ANKRD36: variants seen among roughly 807,000 people sequenced by gnomAD.
The protein encoded by ANKRD36 is ankyrin repeat domain-containing protein 36A.
Under a neutral mutation model 278.1 loss-of-function variants are expected in ANKRD36, and 179 were observed. The observed-to-expected ratio is 0.64, with a 90% CI of 0.57 to 0.73. The LOEUF (loss-of-function observed/expected upper bound fraction) is 0.73, where lower values mean the gene tolerates loss of function less well. Ranked by LOEUF, ANKRD36 falls within the 30% of genes least tolerant of loss-of-function variation. ANKRD36 has a pLI of 0.00. For missense variants in ANKRD36, 1,159 were observed against 1,956.7 expected, an observed-to-expected ratio of 0.59 and a Z score of 7.69; for synonymous variants, 320 against 641.1, an observed-to-expected ratio of 0.50 and a Z score of 7.57.
intron 6 of ANKRD36, among the ~76,000 whole-genome samples, chr2:97,129,156 C>T (rs530402263): frequency 3.9e-5 from 6 of 152,096 alleles, no homozygotes; most frequent in African/African-American, 1.4e-4. Context: ...TTTTAATGAT[C>T]GCCATTCTAA....
At chr2:97,170,740 G>T (rs2052214062) in intron 22 of ANKRD36, among the ~76,000 whole-genome samples, 1 of 151,648 alleles carries the variant, frequency 6.6e-6, no homozygotes, top group Admixed American at 6.6e-5. Context: ...CACAGCAAAA[G>T]AAACTACCAT....
intron 38 of ANKRD36, among the ~76,000 whole-genome samples, chr2:97,194,019 G>A (rs2059122444): frequency 1.3e-5 from 2 of 151,600 alleles, no homozygotes; most frequent in South Asian, 2.1e-4. Context: ...TATGTCAAAT[G>A]ATAATTGATG....
intron 18 of ANKRD36, 130 bp from the exon 19 acceptor site, chr2:97,164,152 AC>A: frequency 2.7e-6 from 4 of 1,484,974 alleles, no homozygotes; most frequent in Non-Finnish European, 3.6e-6. Context: ...GAGCAAAGCA[AC>A]CCAAAGCCTA....
At chr2:97,166,165 A>G (rs1338963134) in intron 20 of ANKRD36, among the ~76,000 whole-genome samples, 2 of 152,098 alleles carry the variant, frequency 1.3e-5, no homozygotes, top group African/African-American at 4.8e-5. Flanking sequence ...ATTCTTATTT[A>G]CTGCTCAGTA....
chr2:97,183,727 A>T, intron 28 of ANKRD36, 73 bp downstream of exon 28: 1 of 1,464,706 alleles, frequency 6.8e-7, no homozygotes, highest in East Asian at 2.5e-5. Context: ...TGAATAGATC[A>T]GTGGGGTGTC....
chr2:97,145,622 A>T (rs768805131), intron 10 of ANKRD36, among the ~76,000 whole-genome samples: 1 of 152,102 alleles, frequency 6.6e-6, no homozygotes, highest in Non-Finnish European at 1.5e-5. Context: ...GTGATTTCCA[A>T]ATGGAAAACC....
intron 66 of ANKRD36, among the ~76,000 whole-genome samples, chr2:97,223,445 A>T (rs1216886044): frequency 6.6e-6 from 1 of 151,830 alleles, no homozygotes; most frequent in Non-Finnish European, 1.5e-5. Flanking sequence ...GCATGAGTGG[A>T]TTCAGAAAGT....
At chr2:97,173,204 GTAGT>G (rs1437236062) in intron 22 of ANKRD36, among the ~76,000 whole-genome samples, 1 of 151,554 alleles carries the variant, frequency 6.6e-6, no homozygotes, top group East Asian at 1.9e-4. Context: ...GGTGTTATGG[GTAGT>G]TAAACATAAA....
intron 28 of ANKRD36, among the ~76,000 whole-genome samples, chr2:97,184,192 G>T (rs989750068): frequency 4.0e-5 from 6 of 151,646 alleles, no homozygotes; most frequent in African/African-American, 1.5e-4. Context: ...AAACCTGAGT[G>T]AACTCACTTC....
intron 3 of ANKRD36, among the ~76,000 whole-genome samples, chr2:97,121,632 C>T (rs1324270153): frequency 2.0e-5 from 3 of 151,908 alleles, no homozygotes; most frequent in African/African-American, 7.3e-5. Context: ...GGCGACAGAG[C>T]GAGACTCCAT....
rs753926756 is a variant in ANKRD36 at position 97,202,323 on chromosome 2, T to G, written c.2889T>G (p.Gly963=). ...ATTTCGTTTTAAATTCCATTCAGGGTACAAGTGACGAGGAAGATTCTGTTT... is the reference window on the plus strand; with the variant it reads ...ATTTCGTTTTAAATTCCATTCAGGGGACAAGTGACGAGGAAGATTCTGTTT... ...VSSQKPPALK[G]TSDEEDSVLG... Residue 963 remains glycine (G), a splice_region_variant and synonymous_variant, in exon 48 of 76, where the codon GGT becomes GGG. Coordinates refer to ENST00000420699, the MANE Select transcript of ANKRD36 (RefSeq NM_001354587.1). 1 of 1,576,286 alleles carries G rather than the reference T, an allele frequency of 6.3e-7. No individual in the cohort carries two copies. Among genetic ancestry groups the G allele is most frequent in the South Asian group, 1.2e-5 (1 of 86,004 alleles).
intron 26 of ANKRD36, 76 bp downstream of exon 26, chr2:97,181,869 A>G (rs2443851): frequency 0.52 from 420,665 of 813,118 alleles, 146,304 homozygotes; most frequent in Non-Finnish European, 0.62. Context: ...ATAAATCAGC[A>G]GGGGATTCAT....
At chr2:97,219,547 T>C (rs1435387372) in intron 66 of ANKRD36, among the ~76,000 whole-genome samples, 2 of 150,444 alleles carry the variant, frequency 1.3e-5, no homozygotes, top group Non-Finnish European at 3.0e-5. Context: ...AATGGCTCAA[T>C]TGTAACTCAC....
intron 48 of ANKRD36, among the ~76,000 whole-genome samples, chr2:97,203,053 G>T (rs2061834918): frequency 6.6e-6 from 1 of 151,790 alleles, no homozygotes; most frequent in South Asian, 2.1e-4. Flanking sequence ...ACTCCCCTTT[G>T]TAACTATTAG....
chr2:97,191,702 G>T (rs893659765), intron 36 of ANKRD36, among the ~76,000 whole-genome samples: 1 of 151,596 alleles, frequency 6.6e-6, no homozygotes, highest in African/African-American at 2.4e-5. Flanking sequence ...TTTTTCCTGA[G>T]GAAACCTGAG....
At chr2:97,232,404 TA>T (rs936087074) in intron 67 of ANKRD36, among the ~76,000 whole-genome samples, 1 of 135,424 alleles carries the variant, frequency 7.4e-6, no homozygotes, top group East Asian at 2.5e-4. Flanking sequence ...CAAACTAGGG[TA>T]AAAAAAACCT....
At position 97,146,640 on chromosome 2, in the gene ANKRD36, G is replaced by A. The variant is rs552426936; in HGVS notation, c.1034+124G>A. 29 of 873,434 alleles carry A rather than the reference G, an allele frequency of 3.3e-5. No homozygotes were observed. The Admixed American group carries it at 5.8e-4, about 17-fold the overall frequency. 54.1% of individuals were successfully genotyped at this position (873,434 alleles called of 1,614,324 possible). The stretch of plus-strand genomic sequence containing the variant: ...ATATTACATGCTTAATATTTATCAT[G>A]TCATGTCATCTCCACACAGCTTTAC... On this transcript the variant is annotated intron_variant, in intron 11 of 75. Coordinates refer to ENST00000420699, the MANE Select transcript of ANKRD36 (RefSeq NM_001354587.1).
chr2:97,218,996 G>T, intron 64 of ANKRD36, 54 bp from the exon 65 acceptor site: 1 of 1,534,910 alleles, frequency 6.5e-7, no homozygotes, highest in Non-Finnish European at 8.8e-7. Context: ...CGAATGTATG[G>T]TTGGCCTTAC....
intron 1 of ANKRD36, among the ~76,000 whole-genome samples, chr2:97,115,258 G>A (rs2034931721): frequency 6.6e-6 from 1 of 152,038 alleles, no homozygotes; most frequent in Non-Finnish European, 1.5e-5. Context: ...TTATGTCACA[G>A]AAATAAATTC....
Sources: allele counts gnomAD v4.1 joint callset (sites outside exome capture counted in the v4.1 genomes callset), GRCh38; gene constraint gnomAD v4.1.1; transcripts MANE v1.5; gene names NCBI Gene and HGNC (gene_info 2026-07-23, HGNC 2026-07-21).